The following TAFA1 variants were observed in gnomAD, a reference collection of about 807,000 sequenced individuals.
TAFA1 encodes the protein chemokine-like protein TAFA-1.
TAFA1 carries 4 observed loss-of-function variants against 18.5 expected under a neutral mutation model. The ratio of observed to expected loss-of-function variants is 0.22; its 90% CI spans 0.11 to 0.49. TAFA1 has a LOEUF of 0.49. Ranked by LOEUF, TAFA1 falls within the 20% of genes least tolerant of loss-of-function variation. The pLI is 0.98. For missense variants in TAFA1, 147 were observed against 169.0 expected (o/e 0.87, Z 0.72); for synonymous variants, 56 against 55.2 (o/e 1.01, Z -0.06).
chr3:68,269,685 G>A (rs532258920), intron 2 of TAFA1, among the ~76,000 whole-genome samples: 1 of 152,186 alleles, frequency 6.6e-6, no homozygotes, highest in Admixed American at 6.5e-5. Flanking sequence ...ACTTTGGGAG[G>A]CCAAGATAGT....
At chr3:68,523,298 T>G (rs978225080) in intron 3 of TAFA1, among the ~76,000 whole-genome samples, 13 of 152,228 alleles carry the variant, frequency 8.5e-5, no homozygotes, top group Admixed American at 1.3e-4. Flanking sequence ...ATTTGTACTT[T>G]AATGTAAAAT....
At chr3:68,507,000 C>T (rs944350792) in intron 3 of TAFA1, among the ~76,000 whole-genome samples, 4 of 152,114 alleles carry the variant, frequency 2.6e-5, no homozygotes, top group African/African-American at 7.2e-5. Flanking sequence ...ATTTTAAGTT[C>T]TGGGCCATGC....
chr3:68,196,369 A>G (rs1315373098), intron 2 of TAFA1, among the ~76,000 whole-genome samples: 2 of 150,336 alleles, frequency 1.3e-5, no homozygotes, highest in Non-Finnish European at 3.0e-5. Flanking sequence ...ATACTGACCA[A>G]ATGTAGCAAT....
At chr3:68,075,682 A>C (rs376812549) in intron 2 of TAFA1, among the ~76,000 whole-genome samples, 1 of 148,970 alleles carries the variant, frequency 6.7e-6, no homozygotes, top group Non-Finnish European at 1.5e-5. Context: ...AAGAACGACT[A>C]TCTTTTCTTC....
intron 2 of TAFA1, among the ~76,000 whole-genome samples, chr3:68,377,070 A>G (rs79062541): frequency 0.03 from 4,613 of 152,274 alleles, 95 homozygotes; most frequent in East Asian, 0.094. Context: ...TCAATTAAAC[A>G]TCTTTTCTTG....
intron 2 of TAFA1, among the ~76,000 whole-genome samples, chr3:68,327,687 G>A (rs1332619758): frequency 6.6e-6 from 1 of 152,204 alleles, no homozygotes; most frequent in Non-Finnish European, 1.5e-5. Context: ...AAGGGCATTA[G>A]TTGGGGTATT....
intron 3 of TAFA1, among the ~76,000 whole-genome samples, chr3:68,471,212 A>G (rs1327926876): frequency 6.6e-6 from 1 of 152,230 alleles, no homozygotes; most frequent in Admixed American, 6.5e-5. Flanking sequence ...CTGAATGTCC[A>G]GGCAGAAGTT....
intron 2 of TAFA1, among the ~76,000 whole-genome samples, chr3:68,113,669 G>A (rs564832642): frequency 6.6e-6 from 1 of 152,194 alleles, no homozygotes; most frequent in South Asian, 2.1e-4. Context: ...TTTGTATAAA[G>A]ACCCTATGCA....
At chr3:68,098,961 G>T (rs2065117879) in intron 2 of TAFA1, among the ~76,000 whole-genome samples, 1 of 151,766 alleles carries the variant, frequency 6.6e-6, no homozygotes, top group South Asian at 2.1e-4. Context: ...TCATGCAGAG[G>T]GATAAAACTG....
chr3:68,511,540 T>G (rs1173171479), intron 3 of TAFA1, among the ~76,000 whole-genome samples: 5 of 152,068 alleles, frequency 3.3e-5, no homozygotes, highest in African/African-American at 1.2e-4. Context: ...GTAAATACCA[T>G]GAGGTTTTCA....
intron 3 of TAFA1, among the ~76,000 whole-genome samples, chr3:68,481,678 A>G (rs577866767): frequency 6.6e-6 from 1 of 152,326 alleles, no homozygotes; most frequent in Admixed American, 6.5e-5. Context: ...TAATTTATAT[A>G]AAGCAGATTA....
chr3:68,387,901 T>C (rs2070138924), intron 2 of TAFA1, among the ~76,000 whole-genome samples: 1 of 152,192 alleles, frequency 6.6e-6, no homozygotes, highest in South Asian at 2.1e-4. Context: ...ATTATTATTG[T>C]GTTTAACAAA....
intron 3 of TAFA1, among the ~76,000 whole-genome samples, chr3:68,418,836 A>G (rs955841979): frequency 6.6e-6 from 1 of 152,196 alleles, no homozygotes; most frequent in Non-Finnish European, 1.5e-5. Context: ...CAATTCTACA[A>G]AGCAGTATAT....
chr3:68,492,223 T>C (rs2072467077), intron 3 of TAFA1, among the ~76,000 whole-genome samples: 1 of 152,204 alleles, frequency 6.6e-6, no homozygotes, highest in African/African-American at 2.4e-5. Context: ...AAAAACGCTG[T>C]AGAAACTCCC....
Position 68,518,677 on chromosome 3 carries a change from C to T in TAFA1, c.260-20079C>T, listed in dbSNP as rs146025830. On this transcript the variant is annotated intron_variant, in intron 3 of 4. Transcript: ENST00000478136. The stretch of plus-strand genomic sequence containing the variant: ...CCCCAAACCAACTAATTGGCTGTTT[C>T]GTTCACATCTGAACCCATCACTGAG... 3.3e-3 allele frequency among the ~76,000 whole-genome samples: 507 copies of T among 152,246 alleles called. 3 individuals are homozygous for T. The highest frequency in any genetic ancestry group is 0.011 in the African/African-American group (471 of 41,538).
intron 2 of TAFA1, among the ~76,000 whole-genome samples, chr3:68,176,829 T>G (rs918393031): frequency 6.6e-6 from 1 of 152,202 alleles, no homozygotes; most frequent in Non-Finnish European, 1.5e-5. Context: ...AAAACTCCAT[T>G]GTAAAGTTGT....
At chr3:68,071,071 C>G (rs375973020) in intron 2 of TAFA1, among the ~76,000 whole-genome samples, 2 of 152,208 alleles carry the variant, frequency 1.3e-5, no homozygotes, top group Non-Finnish European at 2.9e-5. Context: ...ATCTTTTCAG[C>G]AGTCCCCCAT....
chr3:68,406,121 G>A (rs2070601921), intron 2 of TAFA1, among the ~76,000 whole-genome samples: 1 of 152,088 alleles, frequency 6.6e-6, no homozygotes, highest in Non-Finnish European at 1.5e-5. Context: ...CCAAAGTGAT[G>A]TTAATTATTC....
chr3:68,228,712 T>G (rs931304298), intron 2 of TAFA1, among the ~76,000 whole-genome samples: 1 of 152,210 alleles, frequency 6.6e-6, no homozygotes, highest in African/African-American at 2.4e-5. Flanking sequence ...GCAAGTTTAA[T>G]GGACTTAAAA....
Sources: allele counts gnomAD v4.1 joint callset (sites outside exome capture counted in the v4.1 genomes callset), GRCh38; gene constraint gnomAD v4.1.1; transcripts MANE v1.5; gene names NCBI Gene and HGNC (gene_info 2026-07-23, HGNC 2026-07-21).